RARB: variants seen among roughly 807,000 people sequenced by gnomAD.
RARB encodes the protein HBV-activated protein.
In RARB, 17 loss-of-function variants were observed where a neutral mutation model predicts 51.9. The ratio of observed to expected loss-of-function variants is 0.33; its 90% confidence interval spans 0.22 to 0.49. The LOEUF is 0.49. Among genes scored for constraint, RARB ranks in the 20% least tolerant of loss-of-function variants. The pLI, the probability that RARB is intolerant of heterozygous loss-of-function variation, is 0.99. For missense variants in RARB, 369 were observed against 550.8 expected (o/e 0.67, Z 3.30); for synonymous variants, 215 against 195.4 (o/e 1.10, Z -0.84).
chr3:25,074,235 AG>A (rs1333884222), intron 3 of RARB, among the ~76,000 whole-genome samples: 1 of 152,232 alleles, frequency 6.6e-6, no homozygotes, highest in East Asian at 1.9e-4. Flanking sequence ...ATTTTGAAAA[AG>A]AATAGCTTTG....
chr3:25,118,883 C>T (rs1178121024), intron 3 of RARB, among the ~76,000 whole-genome samples: 2 of 151,818 alleles, frequency 1.3e-5, no homozygotes, highest in Non-Finnish European at 2.9e-5. Context: ...ATTTTTATCT[C>T]AAAAAAACTT....
chr3:25,389,477 G>A (rs1389827614), intron 5 of RARB, among the ~76,000 whole-genome samples: 39 of 152,108 alleles, frequency 2.6e-4, no homozygotes. Flanking sequence ...CAGTAAAAGG[G>A]TGCCAGCAAT....
intron 2 of RARB, among the ~76,000 whole-genome samples, chr3:24,863,873 T>G (rs1702801203): frequency 6.6e-6 from 1 of 152,218 alleles, no homozygotes; most frequent in Middle Eastern, 3.4e-3. Flanking sequence ...TATCTATGTT[T>G]CCATTCTTCC....
chr3:24,880,514 T>G (rs1303668871), intron 2 of RARB, among the ~76,000 whole-genome samples: 2 of 152,172 alleles, frequency 1.3e-5, no homozygotes, highest in African/African-American at 4.8e-5. Flanking sequence ...TTCTTCTTAA[T>G]GATATGTAAA....
chr3:25,091,144 C>G (rs187316535), intron 3 of RARB, among the ~76,000 whole-genome samples: 75 of 152,262 alleles, frequency 4.9e-4, no homozygotes, highest in Non-Finnish European at 9.6e-4. Context: ...TATAGAACAA[C>G]AAGTCAGTCC....
intron 2 of RARB, among the ~76,000 whole-genome samples, chr3:24,861,000 G>T (rs1289684236): frequency 6.6e-6 from 1 of 152,140 alleles, no homozygotes; most frequent in African/African-American, 2.4e-5. Context: ...ACCTATTGAT[G>T]CATTTCTCAG....
chr3:25,227,174 G>A (rs1702073457), intron 5 of RARB, among the ~76,000 whole-genome samples: 1 of 152,162 alleles, frequency 6.6e-6, no homozygotes, highest in Admixed American at 6.5e-5. Context: ...AGGTAAATAT[G>A]TTTGCTGAAA....
At chr3:24,950,495 T>C (rs1439991981) in intron 2 of RARB, among the ~76,000 whole-genome samples, 1 of 152,164 alleles carries the variant, frequency 6.6e-6, no homozygotes, top group Non-Finnish European at 1.5e-5. Context: ...TTTGCTCAAA[T>C]ATGCTAGTTT....
At chr3:25,534,680 A>C (rs972241301) in intron 3 of RARB, among the ~76,000 whole-genome samples, 1 of 151,904 alleles carries the variant, frequency 6.6e-6, no homozygotes, top group South Asian at 2.1e-4. Flanking sequence ...TTTTTTTCAG[A>C]AGAAACTTTG....
chr3:25,146,506 TGTTTG>T (rs747133117), intron 4 of RARB, among the ~76,000 whole-genome samples: 4 of 132,028 alleles, frequency 3.0e-5, no homozygotes, highest in African/African-American at 5.9e-5. Flanking sequence ...TTTGTTTGTT[TGTTTG>T]TTTTTTTTTT....
intron 2 of RARB, among the ~76,000 whole-genome samples, chr3:25,030,528 A>T (rs1341669681): frequency 6.6e-6 from 1 of 152,252 alleles, no homozygotes; most frequent in Non-Finnish European, 1.5e-5. Flanking sequence ...TTTGAGGTTT[A>T]ATTTAGTTAA....
At chr3:25,465,221 T>A (rs1695373343) in intron 2 of RARB, among the ~76,000 whole-genome samples, 1 of 152,206 alleles carries the variant, frequency 6.6e-6, no homozygotes, top group Admixed American at 6.5e-5. Flanking sequence ...CCTTGTGATA[T>A]AATAAGGTAA....
At chr3:24,872,835 C>A (rs1702973116) in intron 2 of RARB, among the ~76,000 whole-genome samples, 1 of 152,158 alleles carries the variant, frequency 6.6e-6, no homozygotes, top group African/African-American at 2.4e-5. Context: ...ACTTCTCTAC[C>A]CTATGTAATA....
At chr3:25,176,664 G>A (rs1369495796) in intron 5 of RARB, among the ~76,000 whole-genome samples, 1 of 151,908 alleles carries the variant, frequency 6.6e-6, no homozygotes, top group Non-Finnish European at 1.5e-5. Context: ...AAAGTGCTAG[G>A]ATTATAGGCG....
intron 5 of RARB, among the ~76,000 whole-genome samples, chr3:25,402,868 A>G (rs1707302042): frequency 6.6e-6 from 1 of 152,104 alleles, no homozygotes; most frequent in Non-Finnish European, 1.5e-5. Context: ...AAATGTAGCT[A>G]GAAAGAATGA....
chr3:25,289,320 A>G (rs535351230), intron 5 of RARB, among the ~76,000 whole-genome samples: 187 of 152,200 alleles, frequency 1.2e-3, no homozygotes, highest in Non-Finnish European at 2.4e-3. Context: ...ACACTTGGCA[A>G]ATGCTCAGTG....
At chr3:25,513,674 A>ACACACACACACACACACACACACACACC (rs1269983816) in intron 3 of RARB, among the ~76,000 whole-genome samples, 1 of 151,946 alleles carries the variant, frequency 6.6e-6, no homozygotes, top group Non-Finnish European at 1.5e-5. Flanking sequence ...ACACACACAC[A>ACACACACACACACACACACACACACACC]CACACACACA....
At chr3:25,434,700 C>A (rs533557464) in intron 1 of RARB, among the ~76,000 whole-genome samples, 8 of 152,048 alleles carry the variant, frequency 5.3e-5, no homozygotes, top group African/African-American at 1.7e-4. Context: ...TGCCACCACA[C>A]CTGGCTAATT....
chr3:24,941,143 AAT>A (rs1415191240), intron 2 of RARB, among the ~76,000 whole-genome samples: 1 of 152,072 alleles, frequency 6.6e-6, no homozygotes, highest in Non-Finnish European at 1.5e-5. Flanking sequence ...CTTTTGAACT[AAT>A]AGAGACTGCA....
Sources: gnomAD v4.1 joint callset for allele counts (sites outside exome capture counted in the v4.1 genomes callset) on GRCh38, gnomAD v4.1.1 for gene constraint, MANE v1.5 for transcripts, NCBI Gene and HGNC (gene_info 2026-07-23, HGNC 2026-07-21) for gene names.